CABLES1: variants seen among roughly 807,000 people sequenced by gnomAD.
The protein encoded by CABLES1 is CDK5 and ABL1 enzyme substrate 1.
CABLES1 carries 36 observed loss-of-function variants against 57.8 expected under a neutral mutation model. The observed-to-expected ratio is 0.62, with a 90% CI of 0.48 to 0.82. CABLES1 has a LOEUF of 0.82. Among genes scored for constraint, CABLES1 ranks in the 40% least tolerant of loss-of-function variants. The pLI, the probability that CABLES1 is intolerant of heterozygous loss-of-function variation, is 0.00. For synonymous variants in CABLES1, 374 were observed against 363.0 expected (o/e 1.03, Z -0.35); for missense variants, 767 against 836.6 (o/e 0.92, Z 1.03).
intron 4 of CABLES1, among the ~76,000 whole-genome samples, chr18:23,216,528 GA>G (rs1457584106): frequency 2.0e-5 from 3 of 152,146 alleles, no homozygotes; most frequent in Non-Finnish European, 4.4e-5. Context: ...ACTCAGCAAG[GA>G]CCCCATATTT....
intron 1 of CABLES1, among the ~76,000 whole-genome samples, chr18:23,139,339 G>A (rs1227343540): frequency 6.7e-6 from 1 of 148,654 alleles, no homozygotes; most frequent in African/African-American, 2.5e-5. Context: ...GGAGGCGGAG[G>A]TTGCAGTGAG....
At chr18:23,225,569 CACTGTA>C (rs912852223) in intron 4 of CABLES1, among the ~76,000 whole-genome samples, 1 of 152,130 alleles carries the variant, frequency 6.6e-6, no homozygotes, top group African/African-American at 2.4e-5. Flanking sequence ...CCAGCTTTTT[CACTGTA>C]ACTGTAACAT....
In CABLES1 at chr18:23,239,028, T is replaced by C. The variant is rs182247973; in HGVS notation, c.1446+1783T>C. On this transcript the variant is annotated intron_variant, in intron 7 of 9. Transcript: ENST00000256925. ...CGTGCCTGGTGATAATGCCGACCTCTCCTTTTATAGGCCTAGTGTTGGGCT... is the reference window on the plus strand; with the variant it reads ...CGTGCCTGGTGATAATGCCGACCTCCCCTTTTATAGGCCTAGTGTTGGGCT... Among the ~76,000 whole-genome samples, 11 of 152,380 alleles carry C rather than the reference T, an allele frequency of 7.2e-5. No individual in the cohort carries two copies. The East Asian group carries it at 1.9e-3, about 27-fold the overall frequency.
chr18:23,224,255 T>A (rs1453585781), intron 4 of CABLES1, among the ~76,000 whole-genome samples: 1 of 151,980 alleles, frequency 6.6e-6, no homozygotes, highest in Non-Finnish European at 1.5e-5. Context: ...TCCCCACTCC[T>A]GCCATCCACC....
At chr18:23,252,692 C>T (rs2048068060) in intron 7 of CABLES1, among the ~76,000 whole-genome samples, 1 of 152,180 alleles carries the variant, frequency 6.6e-6, no homozygotes, top group Non-Finnish European at 1.5e-5. Context: ...GGCACCCCTC[C>T]CTCTCAGGCA....
intron 5 of CABLES1, among the ~76,000 whole-genome samples, chr18:23,235,367 T>C (rs924192622): frequency 2.6e-5 from 4 of 151,542 alleles, no homozygotes; most frequent in Non-Finnish European, 5.9e-5. Flanking sequence ...GATGCTCGCC[T>C]GGGCAGGTGA....
intron 3 of CABLES1, among the ~76,000 whole-genome samples, chr18:23,210,515 A>C (rs1243637941): frequency 6.6e-6 from 1 of 152,234 alleles, no homozygotes; most frequent in Admixed American, 6.5e-5. Context: ...CTTCTTGTGT[A>C]TCTCCATTAC....
intron 8 of CABLES1, among the ~76,000 whole-genome samples, chr18:23,253,327 T>C (rs1247828112): frequency 6.6e-6 from 1 of 151,878 alleles, no homozygotes; most frequent in African/African-American, 2.4e-5. Context: ...TACTAAAAAT[T>C]TAAAAATTAG....
chr18:23,174,355 A>G (rs1264238062), intron 1 of CABLES1, among the ~76,000 whole-genome samples: 1 of 152,132 alleles, frequency 6.6e-6, no homozygotes, highest in African/African-American at 2.4e-5. Flanking sequence ...CACATTTTTG[A>G]CTATTGTGAA....
intron 1 of CABLES1, among the ~76,000 whole-genome samples, chr18:23,158,972 T>C (rs2046983635): frequency 6.6e-6 from 1 of 152,114 alleles, no homozygotes; most frequent in Non-Finnish European, 1.5e-5. Flanking sequence ...TTGGTGTTTG[T>C]TTGCTTGTTT....
Position 23,253,881 on chromosome 18 carries a change from TAGC to T in CABLES1, c.1710_1712del (p.Ala571del), listed in dbSNP as rs1417841380. ...CTGTGTGCTGGGGCATGTGTGCTGT[TAGC>T]AGCCAAAATTGGAAGTGACCTCAAA... On this transcript the variant is annotated inframe_deletion, in exon 9 of 10. Transcript: ENST00000256925. 1 of 1,614,230 alleles carries T rather than the reference TAGC, an allele frequency of 6.2e-7. No homozygotes were observed. Among genetic ancestry groups the T allele is most frequent in the Admixed American group, 1.7e-5 (1 of 60,022 alleles).
intron 7 of CABLES1, among the ~76,000 whole-genome samples, chr18:23,241,205 G>A (rs2047727058): frequency 6.6e-6 from 1 of 152,104 alleles, no homozygotes; most frequent in Non-Finnish European, 1.5e-5. Flanking sequence ...CATGTCATGT[G>A]TGTCAGTAGA....
chr18:23,241,504 TG>T (rs1390137966), intron 7 of CABLES1, among the ~76,000 whole-genome samples: 1 of 152,172 alleles, frequency 6.6e-6, no homozygotes, highest in Non-Finnish European at 1.5e-5. Context: ...CACTTCAGCC[TG>T]GGCGACAAGC....
chr18:23,257,373 G>T lies in CABLES1; in HGVS notation c.*6G>T. 6.3e-7 allele frequency: 1 copy of T among 1,586,360 alleles called. No homozygotes were observed. On this transcript the variant is annotated 3_prime_UTR_variant, in exon 10 of 10. Transcript: ENST00000256925. ...GGCTGGTCCAGAGTTCCTAGCACTGGCCCCGAGGACAGCCAAGGGCCATTT... is the reference window on the plus strand; with the variant it reads ...GGCTGGTCCAGAGTTCCTAGCACTGTCCCCGAGGACAGCCAAGGGCCATTT...
intron 3 of CABLES1, among the ~76,000 whole-genome samples, chr18:23,201,948 G>A (rs752917312): frequency 1.6e-4 from 24 of 152,208 alleles, no homozygotes; most frequent in Non-Finnish European, 2.5e-4. Context: ...AAGCGCATGC[G>A]CCCTGATGGA....
chr18:23,197,518 T>C (rs1220385089), intron 3 of CABLES1: 1 of 152,522 alleles, frequency 6.6e-6, no homozygotes, highest in East Asian at 1.9e-4. Flanking sequence ...CTGAGGGTGC[T>C]TTGGGGTCAT....
chr18:23,161,801 A>G (rs1359182553), intron 1 of CABLES1, among the ~76,000 whole-genome samples: 1 of 149,334 alleles, frequency 6.7e-6, no homozygotes, highest in Non-Finnish European at 1.5e-5. Flanking sequence ...GGGCACCTGT[A>G]GTCCCAGCTA....
chr18:23,211,557 G>A (rs1156880701), intron 3 of CABLES1, among the ~76,000 whole-genome samples: 6 of 152,238 alleles, frequency 3.9e-5, no homozygotes, highest in South Asian at 4.1e-4. Flanking sequence ...CTGGAAAGCC[G>A]GCCTAGAACA....
chr18:23,239,577 G>A (rs1283668628), intron 7 of CABLES1, among the ~76,000 whole-genome samples: 1 of 152,230 alleles, frequency 6.6e-6, no homozygotes, highest in African/African-American at 2.4e-5. Context: ...AACAGAGTGG[G>A]GCAGTTGGGG....
Sources: gnomAD v4.1 joint callset for allele counts (sites outside exome capture counted in the v4.1 genomes callset) on GRCh38, gnomAD v4.1.1 for gene constraint, MANE v1.5 for transcripts, NCBI Gene and HGNC (gene_info 2026-07-23, HGNC 2026-07-21) for gene names.